The following MAPK4 variants were observed in gnomAD, a reference collection of about 807,000 sequenced individuals.
The protein encoded by MAPK4 is Erk3-related.
Under a neutral mutation model 47.7 loss-of-function variants are expected in MAPK4, and 22 were observed. The observed-to-expected ratio is 0.46, with a 90% CI of 0.33 to 0.66. MAPK4 has a LOEUF of 0.66. MAPK4 is among the 30% of genes least tolerant of loss of function. The pLI is 0.02. For synonymous variants in MAPK4, 390 were observed against 365.7 expected (o/e 1.07, Z -0.76); for missense variants, 736 against 831.7 (o/e 0.88, Z 1.42).
chr18:50,562,938 AC>A (rs1810921310), intron 1 of MAPK4, among the ~76,000 whole-genome samples: 1 of 152,168 alleles, frequency 6.6e-6, no homozygotes, highest in South Asian at 2.1e-4. Context: ...AGAACTCTCT[AC>A]GTGCCTTGTA....
At chr18:50,688,141 G>A (rs560787197) in intron 2 of MAPK4, among the ~76,000 whole-genome samples, 1 of 152,316 alleles carries the variant, frequency 6.6e-6, no homozygotes, top group African/African-American at 2.4e-5. Flanking sequence ...CTACAGTCTG[G>A]TGGGGGAGGC....
intron 2 of MAPK4, among the ~76,000 whole-genome samples, chr18:50,702,629 G>A (rs1478399066): frequency 6.6e-6 from 1 of 152,050 alleles, no homozygotes; most frequent in Non-Finnish European, 1.5e-5. Flanking sequence ...TCATGATTTT[G>A]TATTTTTAAG....
chr18:50,589,452 C>T (rs548925805), intron 1 of MAPK4, among the ~76,000 whole-genome samples: 82 of 152,120 alleles, frequency 5.4e-4, no homozygotes, highest in Non-Finnish European at 8.2e-4. Flanking sequence ...AAAAATTAGC[C>T]GAGCGTGGTG....
rs1400489023 is a variant in MAPK4 at position 50,591,146 on chromosome 18, G to A, written c.-871+30903G>A. 2.0e-5 allele frequency among the ~76,000 whole-genome samples: 3 copies of A among 152,198 alleles called. No homozygotes were observed. In the East Asian group the frequency reaches 5.8e-4, roughly 29 times the overall value. On this transcript the variant is annotated intron_variant, in intron 1 of 5. Coordinates refer to ENST00000400384, the MANE Select transcript of MAPK4 (RefSeq NM_002747.4). ...GAGGAAAGGGGTCTCTGGTTCTTCTGCATAAATCAGTAAAATCATCATCAC... is the reference window on the plus strand; with the variant it reads ...GAGGAAAGGGGTCTCTGGTTCTTCTACATAAATCAGTAAAATCATCATCAC...
chr18:50,578,730 A>G (rs1029097760), intron 1 of MAPK4, among the ~76,000 whole-genome samples: 5 of 152,208 alleles, frequency 3.3e-5, no homozygotes, highest in Non-Finnish European at 7.3e-5. Flanking sequence ...TACTACATGA[A>G]GTGGTTAGTC....
chr18:50,571,530 G>GGTC (rs1364891292), intron 1 of MAPK4, among the ~76,000 whole-genome samples: 2 of 152,194 alleles, frequency 1.3e-5, no homozygotes, highest in Non-Finnish European at 2.9e-5. Flanking sequence ...TTCAGCCTGA[G>GGTC]ATGAAGTAAA....
intron 1 of MAPK4, among the ~76,000 whole-genome samples, chr18:50,656,074 G>T (rs1219107167): frequency 4.6e-5 from 7 of 152,146 alleles, no homozygotes; most frequent in Non-Finnish European, 7.3e-5. Context: ...TGAGACCCAG[G>T]ACCCCAGACT....
At chr18:50,704,011 G>T (rs1909922148) in intron 2 of MAPK4, among the ~76,000 whole-genome samples, 1 of 152,126 alleles carries the variant, frequency 6.6e-6, no homozygotes, top group South Asian at 2.1e-4. Context: ...CTACATTTAG[G>T]CTGGACCACC....
intron 1 of MAPK4, among the ~76,000 whole-genome samples, chr18:50,630,209 G>C (rs146142481): frequency 0.014 from 2,082 of 152,034 alleles, 51 homozygotes; most frequent in African/African-American, 0.047. Flanking sequence ...TTGTTTTTTA[G>C]ACAGAGCCTG....
intron 2 of MAPK4, among the ~76,000 whole-genome samples, chr18:50,694,817 G>A (rs1201767059): frequency 6.6e-6 from 1 of 152,202 alleles, no homozygotes; most frequent in African/African-American, 2.4e-5. Context: ...GAGCAAAGAG[G>A]CATCCAGATG....
intron 1 of MAPK4, among the ~76,000 whole-genome samples, chr18:50,593,804 C>T (rs2042458697): frequency 6.6e-6 from 1 of 152,180 alleles, no homozygotes. Flanking sequence ...AGGACTCACA[C>T]TACCTGAGTC....
chr18:50,702,972 G>T (rs1370484), intron 2 of MAPK4, among the ~76,000 whole-genome samples: 23,752 of 152,186 alleles, frequency 0.16, 2,148 homozygotes, highest in African/African-American at 0.25. Flanking sequence ...TGGTGTATCT[G>T]CCTGCAACTT....
At chr18:50,612,318 A>G (rs1160538656) in intron 1 of MAPK4, among the ~76,000 whole-genome samples, 1 of 152,256 alleles carries the variant, frequency 6.6e-6, no homozygotes, top group Non-Finnish European at 1.5e-5. Flanking sequence ...CTAATTCGCT[A>G]TAATCCATAT....
At chr18:50,636,745 A>G (rs1009626722) in intron 1 of MAPK4, among the ~76,000 whole-genome samples, 1 of 152,134 alleles carries the variant, frequency 6.6e-6, no homozygotes, top group Non-Finnish European at 1.5e-5. Flanking sequence ...CTTCGTGTAC[A>G]TCCTTGATTC....
intron 1 of MAPK4, among the ~76,000 whole-genome samples, chr18:50,649,193 T>A (rs1462385203): frequency 6.6e-6 from 1 of 152,080 alleles, no homozygotes; most frequent in Non-Finnish European, 1.5e-5. Flanking sequence ...CCCACTTGAG[T>A]TGCTCTTCAG....
chr18:50,561,858 CT>C (rs2042156710), intron 1 of MAPK4, among the ~76,000 whole-genome samples: 1 of 152,178 alleles, frequency 6.6e-6, no homozygotes, highest in South Asian at 2.1e-4. Flanking sequence ...AAGTCAGCCT[CT>C]TTGCATAAAG....
At chr18:50,609,977 C>T (rs2042617940) in intron 1 of MAPK4, among the ~76,000 whole-genome samples, 1 of 152,236 alleles carries the variant, frequency 6.6e-6, no homozygotes, top group Non-Finnish European at 1.5e-5. Flanking sequence ...TTCTCACAAC[C>T]ATATAACATG....
chr18:50,632,495 T>C (rs2042839967), intron 1 of MAPK4, among the ~76,000 whole-genome samples: 1 of 152,208 alleles, frequency 6.6e-6, no homozygotes, highest in Admixed American at 6.5e-5. Context: ...TCCCTCAACC[T>C]TGTCTCTTGC....
chr18:50,725,878 C>T (rs187892694), intron 4 of MAPK4, 84 bp from the exon 5 acceptor site: 2 of 1,120,006 alleles, frequency 1.8e-6, no homozygotes, highest in Non-Finnish European at 2.7e-6. Context: ...GACACCAGCA[C>T]AGAATGTCAC....
Sources: allele counts gnomAD v4.1 joint callset (sites outside exome capture counted in the v4.1 genomes callset), GRCh38; gene constraint gnomAD v4.1.1; transcripts MANE v1.5; gene names NCBI Gene and HGNC (gene_info 2026-07-23, HGNC 2026-07-21).